VEPH1: variants seen among roughly 807,000 people sequenced by gnomAD.
The protein encoded by VEPH1 is ventricular zone expressed PH domain containing 1.
VEPH1 carries 80 observed loss-of-function variants against 85.2 expected under a neutral mutation model. The ratio of observed to expected loss-of-function variants is 0.94; its 90% CI spans 0.78 to 1.13. VEPH1 has a LOEUF of 1.13. Among genes scored for constraint, VEPH1 ranks in the 50% most tolerant of loss-of-function variants. VEPH1 has a pLI of 0.00. For synonymous variants in VEPH1, 297 were observed against 348.0 expected, an observed-to-expected ratio of 0.85 and a Z score of 1.63; for missense variants, 955 against 980.5, an observed-to-expected ratio of 0.97 and a Z score of 0.35.
chr3:157,300,417 A>G (rs1438870637), intron 11 of VEPH1, among the ~76,000 whole-genome samples: 1 of 152,328 alleles, frequency 6.6e-6, no homozygotes, highest in East Asian at 1.9e-4. Context: ...TAAAATTGAC[A>G]TGCTTCATTA....
chr3:157,313,820 G>A, intron 10 of VEPH1, 65 bp from the exon 11 acceptor site: 1 of 1,575,792 alleles, frequency 6.3e-7, no homozygotes, highest in Non-Finnish European at 8.7e-7. Context: ...TTGTTTGATT[G>A]ATTTCAAGGC....
At chr3:157,453,716 G>T (rs1348983686) in intron 4 of VEPH1, among the ~76,000 whole-genome samples, 1 of 152,170 alleles carries the variant, frequency 6.6e-6, no homozygotes, top group Non-Finnish European at 1.5e-5. Context: ...ACAAAGAATT[G>T]CAGAGCAGAA....
chr3:157,418,125 A>G (rs920754293), intron 5 of VEPH1, among the ~76,000 whole-genome samples: 8 of 152,106 alleles, frequency 5.3e-5, no homozygotes, highest in African/African-American at 1.9e-4. Context: ...ATACCTGGGA[A>G]AGGAATTCCA....
intron 9 of VEPH1, among the ~76,000 whole-genome samples, chr3:157,331,792 C>T (rs549295658): frequency 6.6e-6 from 1 of 152,284 alleles, no homozygotes; most frequent in South Asian, 2.1e-4. Flanking sequence ...AGGTCTGAAA[C>T]TTTATCAACA....
chr3:157,338,483 C>T (rs1412126083), intron 9 of VEPH1, among the ~76,000 whole-genome samples: 3 of 152,160 alleles, frequency 2.0e-5, no homozygotes, highest in African/African-American at 7.2e-5. Flanking sequence ...TAAATTTTCC[C>T]CATCATGATT....
intron 9 of VEPH1, among the ~76,000 whole-genome samples, chr3:157,349,475 G>C (rs780729907): frequency 8.5e-5 from 13 of 152,172 alleles, no homozygotes; most frequent in Non-Finnish European, 1.5e-4. Context: ...ACTGGAACAG[G>C]ATTAGGATGC....
intron 12 of VEPH1, among the ~76,000 whole-genome samples, chr3:157,268,223 C>T (rs1417274039): frequency 2.6e-5 from 4 of 152,188 alleles, no homozygotes. Flanking sequence ...GCTTAGGGCA[C>T]TGTGTCTCCC....
intron 7 of VEPH1, among the ~76,000 whole-genome samples, chr3:157,377,501 C>T (rs564194975): frequency 6.6e-6 from 1 of 152,064 alleles, no homozygotes; most frequent in Non-Finnish European, 1.5e-5. Context: ...GTGTCCCCAC[C>T]CAAATCTCAT....
intron 3 of VEPH1, among the ~76,000 whole-genome samples, chr3:157,469,879 T>C (rs1356015333): frequency 6.6e-6 from 1 of 152,136 alleles, no homozygotes; most frequent in Non-Finnish European, 1.5e-5. Flanking sequence ...TCAATACATA[T>C]AGAAATATGT....
chr3:157,414,211 G>A, intron 5 of VEPH1, 121 bp from the exon 6 acceptor site: 1 of 678,088 alleles, frequency 1.5e-6, no homozygotes. Context: ...ACACATTCTG[G>A]GATTATTACC....
chr3:157,363,600 C>T lies in VEPH1; in HGVS notation c.1499G>A (p.Arg500Lys), dbSNP rs115603959. The change falls in exon 9 of 14, where the codon AGA becomes AAA. Residue 500 changes from arginine (R) to lysine (K), a missense_variant. Coordinates refer to ENST00000362010, the MANE Select transcript of VEPH1 (RefSeq NM_001167912.2). ...DKLPFKTDTE[R>K]SQLGESSVSY... ...AACTGAAGACTCCCCCAGCTGTGAT[C>T]TCTCAGTGTCTGTCTTAAACGGCAG... The T allele has an allele frequency of 7.7e-4, 1,241 of 1,614,136 alleles. 9 individuals are homozygous for T. In the African/African-American group the frequency reaches 0.015, roughly 19 times the overall value.
At position 157,265,558 on chromosome 3, in the gene VEPH1, C is replaced by T; in HGVS notation, c.2233G>A (p.Gly745Arg). The T allele has an allele frequency of 1.2e-6, 2 of 1,612,508 alleles. No individual in the cohort carries two copies. The highest frequency in any genetic ancestry group is 1.7e-6 in the Non-Finnish European group (2 of 1,179,014). The change falls in exon 13 of 14, where the codon GGA becomes AGA. Residue 745 changes from glycine to arginine, a missense_variant. Physicochemically the swap from Gly to Arg is moderately radical, Grantham distance 125 (BLOSUM62 -2). Transcript: ENST00000362010. The stretch of plus-strand genomic sequence containing the variant: ...CCTTTTTGAAACAGAAGTTGATTTC[C>T]AGCCAGTGTAAAATAGCGTGTTTTC... ...RWKTRYFTLA[G>R]NQLLFQKGKS...
At chr3:157,392,372 A>G (rs1343024196) in intron 6 of VEPH1, among the ~76,000 whole-genome samples, 2 of 152,214 alleles carry the variant, frequency 1.3e-5, no homozygotes, top group African/African-American at 4.8e-5. Context: ...AGATCTCATA[A>G]GACTTATTCA....
At chr3:157,316,925 A>G (rs541053240) in intron 10 of VEPH1, 137 bp downstream of exon 10, 473 of 851,884 alleles carry the variant, frequency 5.6e-4, no homozygotes, top group Non-Finnish European at 7.3e-4. Flanking sequence ...AACCGAGGTT[A>G]AAGTTATTAA....
intron 9 of VEPH1, among the ~76,000 whole-genome samples, chr3:157,330,050 T>A (rs1722336066): frequency 6.6e-6 from 1 of 152,206 alleles, no homozygotes; most frequent in Non-Finnish European, 1.5e-5. Context: ...CTTTGAGTGG[T>A]GGTCTCTCTT....
intron 12 of VEPH1, among the ~76,000 whole-genome samples, chr3:157,278,898 A>G (rs1019204316): frequency 1.3e-5 from 2 of 152,106 alleles, no homozygotes; most frequent in African/African-American, 4.8e-5. Flanking sequence ...ATTTAAATGA[A>G]CTGATGCTGG....
chr3:157,372,771 A>G (rs761616390), intron 7 of VEPH1, among the ~76,000 whole-genome samples: 4 of 152,228 alleles, frequency 2.6e-5, no homozygotes, highest in Non-Finnish European at 5.9e-5. Context: ...AGCAAAAATA[A>G]ACTACTAGAG....
chr3:157,411,380 T>A (rs1213062785), intron 6 of VEPH1, among the ~76,000 whole-genome samples: 1 of 152,162 alleles, frequency 6.6e-6, no homozygotes, highest in Non-Finnish European at 1.5e-5. Context: ...ATTATTAAAT[T>A]AATTAGCAAT....
chr3:157,328,280 A>T (rs1192046122), intron 9 of VEPH1, among the ~76,000 whole-genome samples: 1 of 152,198 alleles, frequency 6.6e-6, no homozygotes, highest in African/African-American at 2.4e-5. Flanking sequence ...CATGTGTTTA[A>T]TAATGTTCAT....
Sources: allele counts gnomAD v4.1 joint callset (sites outside exome capture counted in the v4.1 genomes callset), GRCh38; gene constraint gnomAD v4.1.1; transcripts MANE v1.5; gene names NCBI Gene and HGNC (gene_info 2026-07-23, HGNC 2026-07-21).